TEC: variants seen among roughly 807,000 people sequenced by gnomAD.
The protein encoded by TEC is tyrosine-protein kinase Tec.
Under a neutral mutation model 93.0 loss-of-function variants are expected in TEC, and 72 were observed. The observed-to-expected ratio is 0.77, with a 90% confidence interval of 0.64 to 0.94. TEC has a LOEUF of 0.94. TEC is among the 40% of genes least tolerant of loss of function. TEC has a pLI of 0.00. For synonymous variants in TEC, 249 were observed against 247.7 expected (o/e 1.01, Z -0.05); for missense variants, 630 against 757.9 (o/e 0.83, Z 1.98).
chr4:48,179,361 TATATATATA>T (rs1200155559), intron 2 of TEC, among the ~76,000 whole-genome samples: 59 of 43,984 alleles, frequency 1.3e-3, no homozygotes, highest in African/African-American at 4.8e-3. Context: ...TATATATATA[TATATATATA>T]TATATATTTT....
chr4:48,144,949 C>T (rs1719841214), intron 14 of TEC, 130 bp downstream of exon 14: 4 of 767,590 alleles, frequency 5.2e-6, no homozygotes, highest in East Asian at 5.1e-5. Flanking sequence ...TTAAATTTAC[C>T]AACTTTAAAA....
At chr4:48,181,518 C>A (rs1160166174) in intron 2 of TEC, among the ~76,000 whole-genome samples, 1 of 151,698 alleles carries the variant, frequency 6.6e-6, no homozygotes, top group South Asian at 2.1e-4. Flanking sequence ...ACTAAAAATA[C>A]AAAAATTAGC....
rs371871960 is a variant in TEC at position 48,186,291 on chromosome 4, G to C, written c.139-10105C>G. ...GCCTGGCCGCCACCCCGTCTGGGAA[G>C]TGAGGAGCGTCTCTGCCTGGCCACC... is the stretch of plus-strand genomic sequence containing the variant. On this transcript the variant is annotated intron_variant, in intron 2 of 17. Transcript: ENST00000381501. Among the ~76,000 whole-genome samples the C allele has an allele frequency of 4.6e-5, 7 of 152,162 alleles. No individual in the cohort carries two copies. In the South Asian group the frequency reaches 8.3e-4, roughly 18 times the overall value.
chr4:48,170,391 T>A lies in TEC; in HGVS notation c.326-15A>T. ...GTTCTTTATTTCTGTAATTCACAGA[T>A]ATAGTAATTAATAGTGAAATACAAA... On this transcript the variant is annotated splice_polypyrimidine_tract_variant and intron_variant, in intron 4 of 17. Coordinates refer to ENST00000381501, the MANE Select transcript of TEC (RefSeq NM_003215.3). 1 of 1,310,268 alleles carries A rather than the reference T, an allele frequency of 7.6e-7. No homozygotes were observed. Among genetic ancestry groups the A allele is most frequent in the Non-Finnish European group, 1.1e-6 (1 of 924,916 alleles). The allele number at this position is 1,310,268 out of a possible 1,614,324, so 81.2% of individuals were successfully genotyped here.
intron 8 of TEC, among the ~76,000 whole-genome samples, chr4:48,158,477 G>A (rs1720488782): frequency 6.6e-6 from 1 of 152,134 alleles, no homozygotes; most frequent in South Asian, 2.1e-4. Flanking sequence ...ACAGAATTCT[G>A]ACCCTAACGC....
chr4:48,164,342 A>C (rs568603321), intron 7 of TEC, among the ~76,000 whole-genome samples: 6 of 152,208 alleles, frequency 3.9e-5, no homozygotes, highest in Admixed American at 1.3e-4. Context: ...AACCCAATAA[A>C]TGTGAACTGA....
intron 2 of TEC, among the ~76,000 whole-genome samples, chr4:48,226,760 G>A (rs1427676700): frequency 6.6e-6 from 1 of 152,092 alleles, no homozygotes; most frequent in Non-Finnish European, 1.5e-5. Context: ...AAGGGTTGGT[G>A]TCCCTAACCC....
rs768171223 is a variant in TEC, at chr4:48,145,186, G to A, written c.1363C>T (p.Arg455Ter). Residue 455 changes from arginine (R) to a stop codon, truncating the protein, a stop_gained, in exon 14 of 18, where the codon CGA becomes TGA. Transcript: ENST00000381501. LOFTEE classifies it high-confidence loss of function. ...MERGCLLNFL[R>*]QRQGHFSRDV... ...CTACTGAAATGACCTTGTCTCTGTC[G>A]GAGGAAATTCAGAAGGCAGCCCCTT... is the stretch of plus-strand genomic sequence containing the variant. The A allele has an allele frequency of 1.3e-5, 21 of 1,613,936 alleles. No homozygotes were observed. Among genetic ancestry groups the A allele is most frequent in the Admixed American group, 1.7e-5 (1 of 59,994 alleles).
At chr4:48,141,676 CT>C in intron 14 of TEC, 2 of 290,646 alleles carry the variant, frequency 6.9e-6, no homozygotes, top group South Asian at 6.0e-5. Flanking sequence ...TTTTTTTTTT[CT>C]TTTCTTTCTT....
intron 1 of TEC, among the ~76,000 whole-genome samples, chr4:48,268,650 G>A (rs1724703127): frequency 6.6e-6 from 1 of 152,192 alleles, no homozygotes; most frequent in African/African-American, 2.4e-5. Flanking sequence ...CTTTATTTGG[G>A]AGATCCGCTG....
At chr4:48,200,758 C>T (rs1414739025) in intron 2 of TEC, among the ~76,000 whole-genome samples, 1 of 152,210 alleles carries the variant, frequency 6.6e-6, no homozygotes, top group African/African-American at 2.4e-5. Flanking sequence ...TCCCTTCTTG[C>T]TTTTCTGTCT....
intron 2 of TEC, among the ~76,000 whole-genome samples, chr4:48,191,610 CAG>C (rs1486838842): frequency 8.5e-5 from 13 of 152,064 alleles, no homozygotes; most frequent in Non-Finnish European, 1.6e-4. Context: ...TCTCTTAAAA[CAG>C]AATAATATTT....
Position 48,225,764 on chromosome 4 carries a change from C to T in TEC, c.138+2713G>A, listed in dbSNP as rs1344659108. ...CAATTATTTTACTATGAGAGGCAAA[C>T]AAATCTGTGACCACATTTCAAGGCA... is the stretch of plus-strand genomic sequence containing the variant. On this transcript the variant is annotated intron_variant, in intron 2 of 17. Transcript: ENST00000381501. 4.7e-5 allele frequency among the ~76,000 whole-genome samples: 7 copies of T among 149,906 alleles called. No individual in the cohort carries two copies. In the East Asian group the frequency reaches 1.2e-3, roughly 25 times the overall value.
chr4:48,142,731 A>AG (rs1017362791), intron 14 of TEC, among the ~76,000 whole-genome samples: 22 of 151,942 alleles, frequency 1.4e-4, no homozygotes, highest in African/African-American at 5.1e-4. Context: ...ACCAGGCTGG[A>AG]GTCCAGTGGT....
intron 1 of TEC, among the ~76,000 whole-genome samples, chr4:48,239,490 A>C (rs1325284955): frequency 3.0e-5 from 4 of 134,230 alleles, no homozygotes; most frequent in Non-Finnish European, 5.1e-5. Flanking sequence ...AATACAAGTG[A>C]AAATAAGATA....
chr4:48,226,413 T>G (rs1723463722), intron 2 of TEC, among the ~76,000 whole-genome samples: 1 of 152,022 alleles, frequency 6.6e-6, no homozygotes, highest in Non-Finnish European at 1.5e-5. Flanking sequence ...CCTCCACATC[T>G]TCCCCCTCTG....
At chr4:48,269,277 G>A (rs1475625783) in intron 1 of TEC, among the ~76,000 whole-genome samples, 2 of 152,198 alleles carry the variant, frequency 1.3e-5, no homozygotes, top group Non-Finnish European at 2.9e-5. Flanking sequence ...ATGTTGGTGT[G>A]CTGCACCCAT....
At chr4:48,176,236 A>G (rs777492520) in intron 2 of TEC, 50 bp from the exon 3 acceptor site, 5 of 1,396,376 alleles carry the variant, frequency 3.6e-6, no homozygotes, top group Non-Finnish European at 5.0e-6. Context: ...ACATAAAAAA[A>G]TTAACAGTAA....
At chr4:48,221,950 C>T (rs1723279753) in intron 2 of TEC, among the ~76,000 whole-genome samples, 1 of 152,116 alleles carries the variant, frequency 6.6e-6, no homozygotes, top group African/African-American at 2.4e-5. Context: ...CAGTAGGTAA[C>T]ACAGATATGT....
Sources: allele counts gnomAD v4.1 joint callset (sites outside exome capture counted in the v4.1 genomes callset), GRCh38; gene constraint gnomAD v4.1.1; transcripts MANE v1.5; gene names NCBI Gene and HGNC (gene_info 2026-07-23, HGNC 2026-07-21).